Variants in MAML2 observed in about 807,000 individuals in gnomAD.
MAML2 encodes mastermind like transcriptional coactivator 2, also known as mastermind-like protein 2.
MAML2 carries 22 observed loss-of-function variants against 96.1 expected under a neutral mutation model. The observed-to-expected ratio is 0.23, with a 90% confidence interval of 0.16 to 0.33. The LOEUF is 0.33. Ranked by LOEUF, MAML2 falls within the 10% of genes least tolerant of loss-of-function variation. The pLI, the probability that MAML2 is intolerant of heterozygous loss-of-function variation, is 1.00. For missense variants in MAML2, 1,367 were observed against 1,392.4 expected (o/e 0.98, Z 0.29); for synonymous variants, 561 against 521.3 (o/e 1.08, Z -1.04).
intron 2 of MAML2, among the ~76,000 whole-genome samples, chr11:95,992,949 T>C (rs1026343977): frequency 2.0e-5 from 3 of 152,112 alleles, no homozygotes; most frequent in East Asian, 3.9e-4. Flanking sequence ...GGCATAATCA[T>C]GGCTCACTGC....
intron 1 of MAML2, among the ~76,000 whole-genome samples, chr11:96,106,130 TA>T (rs1469402582): frequency 1.3e-5 from 2 of 152,326 alleles, no homozygotes; most frequent in African/African-American, 2.4e-5. Flanking sequence ...CAATGTCCTA[TA>T]GCAATACAAT....
intron 1 of MAML2, among the ~76,000 whole-genome samples, chr11:96,209,609 A>AAAAAAC (rs61564435): frequency 0.7 from 105,219 of 151,332 alleles, 36,813 homozygotes; most frequent in East Asian, 0.8. Flanking sequence ...AACAAACAAA[A>AAAAAAC]AAGCAAAGTA....
chr11:96,140,753 C>T (rs998097631), intron 1 of MAML2, among the ~76,000 whole-genome samples: 1 of 152,166 alleles, frequency 6.6e-6, no homozygotes, highest in East Asian at 1.9e-4. Flanking sequence ...GGTCAGGCGG[C>T]TCTTCCTCCC....
intron 1 of MAML2, among the ~76,000 whole-genome samples, chr11:96,309,657 G>A (rs1048017259): frequency 6.6e-6 from 1 of 151,616 alleles, no homozygotes; most frequent in African/African-American, 2.4e-5. Flanking sequence ...TAGTGCCCAA[G>A]GTATTGACTA....
At chr11:96,297,330 T>A (rs1000036091) in intron 1 of MAML2, among the ~76,000 whole-genome samples, 1 of 152,172 alleles carries the variant, frequency 6.6e-6, no homozygotes, top group Non-Finnish European at 1.5e-5. Context: ...ATCCCAGCAC[T>A]TTGGGAAACC....
intron 1 of MAML2, among the ~76,000 whole-genome samples, chr11:96,142,901 G>A (rs1349962952): frequency 6.6e-6 from 1 of 152,172 alleles, no homozygotes; most frequent in Non-Finnish European, 1.5e-5. Context: ...TTTGTCTAAT[G>A]AAAACCAGAA....
At chr11:96,084,845 T>C (rs1202982418) in intron 2 of MAML2, among the ~76,000 whole-genome samples, 1 of 152,170 alleles carries the variant, frequency 6.6e-6, no homozygotes, top group Non-Finnish European at 1.5e-5. Flanking sequence ...ATGAAATTCA[T>C]GTTTCATAAA....
At chr11:96,319,904 C>T (rs932760946) in intron 1 of MAML2, among the ~76,000 whole-genome samples, 7 of 152,136 alleles carry the variant, frequency 4.6e-5, no homozygotes, top group Non-Finnish European at 8.8e-5. Flanking sequence ...TACCACAGTC[C>T]GTACATTCTG....
At chr11:96,180,486 G>T (rs1824461097) in intron 1 of MAML2, among the ~76,000 whole-genome samples, 1 of 152,212 alleles carries the variant, frequency 6.6e-6, no homozygotes, top group African/African-American at 2.4e-5. Flanking sequence ...GAGACTACAT[G>T]TAGGTGTTCT....
rs11021371 is a variant in MAML2 at position 95,998,548 on chromosome 11, G to A, written c.2140-6825C>T. On this transcript the variant is annotated intron_variant, in intron 2 of 4. Coordinates refer to ENST00000524717, the MANE Select transcript of MAML2 (RefSeq NM_032427.4). ...GCAACGCTTTTACCTCCAAGGAGAG[G>A]AGATAGTCATAGTCACACCCTGGAT... Among the ~76,000 whole-genome samples the A allele has an allele frequency of 7.6e-3, 1,161 of 152,268 alleles. 10 individuals carry two copies. The highest frequency in any genetic ancestry group is 0.048 in the Middle Eastern group (14 of 294).
chr11:96,322,670 G>A (rs1405023855), intron 1 of MAML2, among the ~76,000 whole-genome samples: 2 of 152,240 alleles, frequency 1.3e-5, no homozygotes, highest in African/African-American at 4.8e-5. Context: ...CCACCCTGGG[G>A]GCCACGGAGC....
intron 1 of MAML2, among the ~76,000 whole-genome samples, chr11:96,109,122 A>G (rs1016806016): frequency 1.9e-4 from 29 of 152,168 alleles, no homozygotes; most frequent in African/African-American, 6.8e-4. Context: ...AAATGTATTC[A>G]GTAGAGGAAA....
chr11:95,997,207 C>T (rs555703215), intron 2 of MAML2, among the ~76,000 whole-genome samples: 114 of 152,220 alleles, frequency 7.5e-4, no homozygotes, highest in Middle Eastern at 3.4e-3. Context: ...AAATAGGTTT[C>T]GCATCCAATC....
At position 95,978,663 on chromosome 11, in the gene MAML2, C is replaced by T; in HGVS notation, c.*285G>A. Reference sequence around the variant, plus strand: ...AGAAACTTGGGAAGGCTATTTTACACAATTAATTACACATTGACACCACAG... The same window carrying T: ...AGAAACTTGGGAAGGCTATTTTACATAATTAATTACACATTGACACCACAG... On this transcript the variant is annotated 3_prime_UTR_variant, in exon 5 of 5. Coordinates refer to ENST00000524717, the MANE Select transcript of MAML2 (RefSeq NM_032427.4). 1 of 334,006 alleles carries T rather than the reference C, an allele frequency of 3.0e-6. No individual in the cohort carries two copies. The highest frequency in any genetic ancestry group is 4.7e-5 in the East Asian group (1 of 21,422). The allele number at this position is 334,006 out of a possible 1,614,324, so 20.7% of individuals were successfully genotyped here. A position where few individuals can be genotyped will look rare whatever the true frequency, so the allele number is the denominator to read the frequency against.
At chr11:96,068,849 G>T (rs1367595854) in intron 2 of MAML2, among the ~76,000 whole-genome samples, 2 of 149,628 alleles carry the variant, frequency 1.3e-5, no homozygotes, top group Non-Finnish European at 1.5e-5. Context: ...AAAAAAGAAG[G>T]TATGTATTTT....
chr11:96,288,675 A>G (rs551966482), intron 1 of MAML2, among the ~76,000 whole-genome samples: 9 of 152,314 alleles, frequency 5.9e-5, no homozygotes, highest in African/African-American at 2.2e-4. Flanking sequence ...CTGACTCTTC[A>G]TTAGCCTCCA....
intron 2 of MAML2, among the ~76,000 whole-genome samples, chr11:96,003,258 C>G (rs1012760921): frequency 6.6e-6 from 1 of 151,994 alleles, no homozygotes; most frequent in Non-Finnish European, 1.5e-5. Context: ...AGAAGGCACA[C>G]TGATGGAATA....
At chr11:96,319,137 T>C (rs1863670004) in intron 1 of MAML2, among the ~76,000 whole-genome samples, 1 of 152,210 alleles carries the variant, frequency 6.6e-6, no homozygotes, top group South Asian at 2.1e-4. Context: ...TCATGCAGCC[T>C]ATACGGAGGC....
intron 2 of MAML2, among the ~76,000 whole-genome samples, chr11:95,996,762 T>C (rs1857996840): frequency 6.6e-6 from 1 of 152,310 alleles, no homozygotes. Flanking sequence ...CTTTAGTACA[T>C]AAAATAGTTT....
Sources: gnomAD v4.1 joint callset for allele counts (sites outside exome capture counted in the v4.1 genomes callset) on GRCh38, gnomAD v4.1.1 for gene constraint, MANE v1.5 for transcripts, NCBI Gene and HGNC (gene_info 2026-07-23, HGNC 2026-07-21) for gene names.